The following DDHD1 variants were observed in gnomAD, a reference collection of about 807,000 sequenced individuals.
DDHD1 encodes DDHD domain containing 1.
In DDHD1, 49 loss-of-function variants were observed where a neutral mutation model predicts 96.4. The observed-to-expected ratio is 0.51, with a 90% CI of 0.40 to 0.64. The LOEUF (loss-of-function observed/expected upper bound fraction) is 0.64. Among genes scored for constraint, DDHD1 ranks in the 30% least tolerant of loss-of-function variants. The probability of loss-of-function intolerance (pLI) is 0.00; values close to 1 mark genes in which losing one functional copy is unlikely to be tolerated. For missense variants in DDHD1, 1,106 were observed against 1,161.2 expected, an observed-to-expected ratio of 0.95 and a Z score of 0.69; for synonymous variants, 442 against 446.5, an observed-to-expected ratio of 0.99 and a Z score of 0.13.
intron 9 of DDHD1, among the ~76,000 whole-genome samples, chr14:53,057,251 A>AT (rs1292073333): frequency 1.3e-5 from 2 of 152,160 alleles, no homozygotes; most frequent in South Asian, 2.1e-4. Context: ...ATATGAAGCT[A>AT]TTTTTTCAGA....
intron 12 of DDHD1, among the ~76,000 whole-genome samples, chr14:53,047,313 G>C (rs779419863): frequency 6.6e-6 from 1 of 152,164 alleles, no homozygotes; most frequent in Non-Finnish European, 1.5e-5. Context: ...CACCCCTCTT[G>C]AAGATTTACG....
At chr14:53,117,159 G>C (rs943161767) in intron 1 of DDHD1, among the ~76,000 whole-genome samples, 4 of 152,176 alleles carry the variant, frequency 2.6e-5, no homozygotes, top group Non-Finnish European at 5.9e-5. Flanking sequence ...AGAAAATCTA[G>C]AAGAAATAGG....
chr14:53,103,519 ATAG>A (rs1887467442), intron 2 of DDHD1, 161 bp downstream of exon 2: 2 of 560,884 alleles, frequency 3.6e-6, no homozygotes, highest in African/African-American at 1.9e-5. Context: ...TCAGATATTT[ATAG>A]TAGTTAATTT....
intron 6 of DDHD1, among the ~76,000 whole-genome samples, chr14:53,067,875 G>A (rs1884175050): frequency 6.6e-6 from 1 of 152,102 alleles, no homozygotes; most frequent in Admixed American, 6.5e-5. Context: ...TATTCCATTT[G>A]CTTTATTCAC....
chr14:53,067,245 G>A (rs139963062), intron 6 of DDHD1, among the ~76,000 whole-genome samples: 93 of 150,594 alleles, frequency 6.2e-4, no homozygotes, highest in African/African-American at 2.2e-3. Context: ...TGCAACCTCC[G>A]TCTCCTGGGT....
intron 1 of DDHD1, among the ~76,000 whole-genome samples, chr14:53,111,447 T>G (rs1441469717): frequency 6.6e-6 from 1 of 152,228 alleles, no homozygotes; most frequent in Non-Finnish European, 1.5e-5. Flanking sequence ...TCTTCCTTCT[T>G]CCCTGTAGTT....
At chr14:53,151,089 G>A (rs868642341) in intron 1 of DDHD1, among the ~76,000 whole-genome samples, 1 of 152,172 alleles carries the variant, frequency 6.6e-6, no homozygotes, top group Admixed American at 6.5e-5. Context: ...CAGAATCACT[G>A]ATGCAATTCA....
chr14:53,081,532 T>C (rs151009446), intron 4 of DDHD1, among the ~76,000 whole-genome samples: 84 of 152,338 alleles, frequency 5.5e-4, no homozygotes, highest in African/African-American at 1.9e-3. Flanking sequence ...TGTTTGGAGA[T>C]ATTTTTGGTT....
chr14:53,152,308 T>C lies in DDHD1; in HGVS notation c.791A>G (p.Tyr264Cys), dbSNP rs1482021005. ...IEPVCVRGGL[Y>C]EVDVTQGECY... ...CTCTCCTTGGGTCACATCCACCTCG[T>C]AGAGGCCGCCCCGCACGCACACAGG... is the stretch of plus-strand genomic sequence containing the variant. The change falls in exon 1 of 13, where the codon TAC becomes TGC. Residue 264 changes from tyrosine (Y) to cysteine (C), a missense_variant. This residue lies in a region of DDHD1 where 456 missense variants were observed against 402.4 expected (regional missense o/e 1.13). Coordinates refer to ENST00000673822, the MANE Select transcript of DDHD1 (RefSeq NM_001160148.2). 1.2e-6 allele frequency: 2 copies of C among 1,613,856 alleles called. No individual in the cohort carries two copies. Among genetic ancestry groups the C allele is most frequent in the South Asian group, 1.1e-5 (1 of 91,066 alleles).
chr14:53,079,925 T>C (rs746380322), intron 4 of DDHD1, among the ~76,000 whole-genome samples: 5 of 152,194 alleles, frequency 3.3e-5, no homozygotes, highest in Admixed American at 6.5e-5. Flanking sequence ...GATAAATACA[T>C]ATGCAATTTT....
At position 53,073,737 on chromosome 14, in the gene DDHD1, A is replaced by G. The variant is rs201355565; in HGVS notation, c.1396+4T>C. On this transcript the variant is annotated splice_donor_region_variant and intron_variant, in intron 5 of 12. Transcript: ENST00000673822. ...TAAATCATTCAATTTTTAAATAAAT[A>G]TACCTCCATCAAGAGTAAGTTTTGA... 6.2e-7 allele frequency: 1 copy of G among 1,601,730 alleles called. No individual in the cohort carries two copies. Among genetic ancestry groups the G allele is most frequent in the Non-Finnish European group, 8.5e-7 (1 of 1,174,338 alleles).
At chr14:53,077,293 T>A (rs959510883) in intron 4 of DDHD1, among the ~76,000 whole-genome samples, 1 of 152,204 alleles carries the variant, frequency 6.6e-6, no homozygotes, top group Non-Finnish European at 1.5e-5. Context: ...TAGTTTATCA[T>A]GGTGGCAAAA....
At chr14:53,068,825 GCTC>G (rs769946370) in intron 6 of DDHD1, among the ~76,000 whole-genome samples, 1 of 152,074 alleles carries the variant, frequency 6.6e-6, no homozygotes, top group Non-Finnish European at 1.5e-5. Context: ...TAAATATCCT[GCTC>G]CTCATCAAAA....
chr14:53,084,611 T>A (rs1329998503), intron 4 of DDHD1, among the ~76,000 whole-genome samples: 1 of 152,246 alleles, frequency 6.6e-6, no homozygotes, highest in Non-Finnish European at 1.5e-5. Flanking sequence ...GGCCTGGCAC[T>A]ATGTGACAAG....
chr14:53,103,620 T>C (rs964282192), intron 2 of DDHD1, 63 bp downstream of exon 2: 52 of 1,355,228 alleles, frequency 3.8e-5, no homozygotes, highest in Non-Finnish European at 4.9e-5. Flanking sequence ...TACAAACCAC[T>C]CTAAACTTTA....
intron 6 of DDHD1, 103 bp downstream of exon 6, chr14:53,072,494 G>A (rs1884591160): frequency 1.9e-6 from 1 of 535,452 alleles, no homozygotes; most frequent in Admixed American, 3.7e-5. Flanking sequence ...ATGAATTCCT[G>A]TAATTTCTCA....
At chr14:53,131,282 CACAAGTGATAGG>C (rs899732217) in intron 1 of DDHD1, among the ~76,000 whole-genome samples, 2 of 152,130 alleles carry the variant, frequency 1.3e-5, no homozygotes, top group African/African-American at 4.8e-5. Context: ...CACCTTAACC[CACAAGTGATAGG>C]ACACCTTTAC....
intron 10 of DDHD1, among the ~76,000 whole-genome samples, 182 bp downstream of exon 10, chr14:53,055,478 A>G (rs997895568): frequency 2.6e-5 from 4 of 152,204 alleles, no homozygotes; most frequent in African/African-American, 9.6e-5. Context: ...ATAAGATCTG[A>G]TCTAATCAGA....
At chr14:53,106,601 G>A (rs1236737744) in intron 1 of DDHD1, among the ~76,000 whole-genome samples, 1 of 152,094 alleles carries the variant, frequency 6.6e-6, no homozygotes, top group Non-Finnish European at 1.5e-5. Flanking sequence ...AGGTTGCAGT[G>A]AGCCAAGATC....
Sources: gnomAD v4.1 joint callset for allele counts (sites outside exome capture counted in the v4.1 genomes callset) on GRCh38, gnomAD v4.1.1 for gene constraint, gnomAD v4.1.1 regional missense constraint, MANE v1.5 for transcripts, NCBI Gene and HGNC (gene_info 2026-07-23, HGNC 2026-07-21) for gene names.